The following ANO1 variants were observed in gnomAD, a reference collection of about 807,000 sequenced individuals.
ANO1 encodes anoctamin 1, also known as anoctamin-1.
Under a neutral mutation model 124.0 loss-of-function variants are expected in ANO1, and 59 were observed. The ratio of observed to expected loss-of-function variants is 0.48; its 90% CI spans 0.39 to 0.59. The LOEUF (loss-of-function observed/expected upper bound fraction) is 0.59, where lower values mean the gene tolerates loss of function less well. ANO1 is among the 20% of genes least tolerant of loss of function. The probability of loss-of-function intolerance (pLI) is 0.00; values close to 1 mark genes in which losing one functional copy is unlikely to be tolerated. For synonymous variants in ANO1, 529 were observed against 532.0 expected (o/e 0.99, Z 0.08); for missense variants, 1,059 against 1,328.0 (o/e 0.80, Z 3.15).
intron 18 of ANO1, among the ~76,000 whole-genome samples, chr11:70,162,697 C>T (rs1462646921): frequency 6.6e-6 from 1 of 152,014 alleles, no homozygotes; most frequent in Non-Finnish European, 1.5e-5. Flanking sequence ...TTCACCAGTG[C>T]CATGCCCGCC....
intron 22 of ANO1, among the ~76,000 whole-genome samples, chr11:70,173,944 T>A (rs1418661508): frequency 1.6e-4 from 24 of 151,608 alleles, no homozygotes; most frequent in Non-Finnish European, 2.8e-4. Flanking sequence ...TTTTAATTTT[T>A]TTTTTTTTTG....
intron 22 of ANO1, among the ~76,000 whole-genome samples, chr11:70,176,466 T>G (rs2048703095): frequency 6.6e-6 from 1 of 152,106 alleles, no homozygotes; most frequent in East Asian, 1.9e-4. Flanking sequence ...AATTTCTGAT[T>G]GTCAATTGGT....
chr11:70,112,303 G>A (rs1212887221), intron 7 of ANO1, among the ~76,000 whole-genome samples: 1 of 152,244 alleles, frequency 6.6e-6, no homozygotes, highest in Non-Finnish European at 1.5e-5. Flanking sequence ...CTGGGAATGG[G>A]CCTCCGGGCC....
intron 7 of ANO1, among the ~76,000 whole-genome samples, chr11:70,113,839 G>A (rs983308053): frequency 6.6e-6 from 1 of 152,082 alleles, no homozygotes; most frequent in Non-Finnish European, 1.5e-5. Context: ...ACTCAGAAAG[G>A]CTTAGTAATT....
intron 1 of ANO1, among the ~76,000 whole-genome samples, chr11:70,028,538 C>T (rs533249585): frequency 6.6e-6 from 1 of 152,156 alleles, no homozygotes; most frequent in African/African-American, 2.4e-5. Flanking sequence ...CTCTCCTGGA[C>T]AGACACTCCC....
intron 11 of ANO1, among the ~76,000 whole-genome samples, chr11:70,133,384 G>C (rs1007414999): frequency 1.3e-5 from 2 of 152,180 alleles, no homozygotes; most frequent in African/African-American, 4.8e-5. Flanking sequence ...TATGGCCTGT[G>C]ATTCCGGCTC....
intron 11 of ANO1, among the ~76,000 whole-genome samples, chr11:70,133,577 T>A (rs913001688): frequency 6.6e-6 from 1 of 152,156 alleles, no homozygotes; most frequent in African/African-American, 2.4e-5. Flanking sequence ...TTCATCCTTA[T>A]GGCGCCTCCG....
At chr11:70,061,745 G>A (rs1555007777) in intron 1 of ANO1, among the ~76,000 whole-genome samples, 1 of 152,088 alleles carries the variant, frequency 6.6e-6, no homozygotes, top group Non-Finnish European at 1.5e-5. Flanking sequence ...CTTAACAGTT[G>A]CCTACTGGAG....
chr11:70,073,459 C>T (rs1252300965), upstream of ANO1, among the ~76,000 whole-genome samples: 1 of 152,164 alleles, frequency 6.6e-6, no homozygotes, highest in East Asian at 1.9e-4. Flanking sequence ...GGTGCTGGCT[C>T]ATAGTAAGCG....
At chr11:70,067,472 C>T (rs1038286468) in intron 1 of ANO1, among the ~76,000 whole-genome samples, 3 of 152,094 alleles carry the variant, frequency 2.0e-5, no homozygotes, top group Non-Finnish European at 2.9e-5. Flanking sequence ...GGATTACAGG[C>T]GCCTGCCATC....
the ANO1 span, among the ~76,000 whole-genome samples, chr11:69,968,612 C>T: frequency 3.9e-5 from 6 of 152,348 alleles, no homozygotes; most frequent in Admixed American, 1.3e-4. Flanking sequence ...GTTTCTTCCT[C>T]GGTGGCCCCC....
In ANO1 at chr11:70,069,209, G is replaced by A. The variant is rs116277345; in HGVS notation, c.59-9333G>A. On this transcript the variant is annotated intron_variant, in intron 1 of 27. Transcript: ENST00000531349. ...TCCTCCCTGACCAAGGAAAGGGTCC[G>A]CTTTCTCTTCTGAGATGTGGCTTGA... 5.3e-3 allele frequency among the ~76,000 whole-genome samples: 815 copies of A among 152,338 alleles called. 7 individuals carry two copies. The highest frequency in any genetic ancestry group is 0.018 in the African/African-American group (735 of 41,586).
At chr11:70,047,987 G>A (rs782377217) in intron 1 of ANO1, among the ~76,000 whole-genome samples, 2 of 152,154 alleles carry the variant, frequency 1.3e-5, no homozygotes, top group Non-Finnish European at 2.9e-5. Context: ...CCAGCTTCCT[G>A]GATTCTGCTG....
chr11:70,111,621 A>G (rs2045783035), intron 6 of ANO1, 86 bp from the exon 7 acceptor site: 1 of 1,313,696 alleles, frequency 7.6e-7, no homozygotes. Flanking sequence ...TTAGTGGCTG[A>G]GATGGCCCTG....
intron 13 of ANO1, 85 bp downstream of exon 13, chr11:70,152,546 AC>A: frequency 6.7e-7 from 1 of 1,491,916 alleles, no homozygotes; most frequent in Non-Finnish European, 9.3e-7. Context: ...ATCTCTTTCT[AC>A]CACGCAGTTC....
rs35916165 is a variant in ANO1, at chr11:70,161,692, T to C, written c.1851T>C (p.Asn617=). The part of the protein sequence containing the change: ...IFKAFLLKFV[N]SYTPIFYVAF... ...AGGCTTTCCTGCTGAAGTTTGTGAA[T>C]TCCTACACCCCCATCTTTTACGTGG... Residue 617 remains asparagine (N), a synonymous_variant, in exon 18 of 26, where the codon AAT becomes AAC. Transcript: ENST00000355303. 6.4e-3 allele frequency: 10,296 copies of C among 1,613,994 alleles called. 182 individuals are homozygous for C. Among genetic ancestry groups the C allele is most frequent in the African/African-American group, 0.057 (4,262 of 75,042 alleles).
Position 70,170,879 on chromosome 11 carries a change from C to T in ANO1, c.2198-8C>T, listed in dbSNP as rs148908195. The T allele has an allele frequency of 7.7e-5, 124 of 1,612,524 alleles. No homozygotes were observed. The African/African-American group carries it at 1.5e-3, about 20-fold the overall frequency. Reference sequence around the variant, plus strand: ...GGGGTGCTGACTAGCACTGGGCTCTCTCTGCAGTCATCCAGTTTGGCTTCG... The same window carrying T: ...GGGGTGCTGACTAGCACTGGGCTCTTTCTGCAGTCATCCAGTTTGGCTTCG... On this transcript the variant is annotated splice_polypyrimidine_tract_variant and splice_region_variant and intron_variant, in intron 21 of 25. Transcript: ENST00000355303.
chr11:70,046,310 A>C (rs1857258933), intron 1 of ANO1, among the ~76,000 whole-genome samples: 1 of 152,128 alleles, frequency 6.6e-6, no homozygotes, highest in African/African-American at 2.4e-5. Context: ...CACACACCAT[A>C]GCTGGTCATT....
Position 70,156,948 on chromosome 11 carries a change from C to G in ANO1, c.1505C>G (p.Thr502Ser). Residue 502 changes from threonine (T) to serine (S), a missense_variant and splice_region_variant, in exon 16 of 26, where the codon ACT becomes AGT. By Grantham distance (58) the Thr-to-Ser change is moderately conservative. Around this residue, in one of 2 missense-constraint regions of ANO1, gnomAD observed 809 missense variants for 1,094.9 expected, o/e 0.74. Transcript: ENST00000355303. ...VKTAMAGVKL[T>S]DKVKLTWRDR... is the part of the protein sequence containing the mutation. ...GACCGGCATTGTTTTGTGTTGTAGA[C>G]TGACAAAGTGAAGCTGACATGGAGA... 1 of 1,613,500 alleles carries G rather than the reference C, an allele frequency of 6.2e-7. No individual in the cohort carries two copies.
Sources: gnomAD v4.1 joint callset for allele counts (sites outside exome capture counted in the v4.1 genomes callset) on GRCh38, gnomAD v4.1.1 for gene constraint, gnomAD v4.1.1 regional missense constraint, MANE v1.5 for transcripts, NCBI Gene and HGNC (gene_info 2026-07-23, HGNC 2026-07-21) for gene names.